The following MAP4K5 variants were observed in gnomAD, a reference collection of about 807,000 sequenced individuals.
MAP4K5 encodes the protein mitogen-activated protein kinase kinase kinase kinase 5.
MAP4K5 carries 82 observed loss-of-function variants against 135.6 expected under a neutral mutation model. The observed-to-expected ratio is 0.60, with a 90% CI of 0.51 to 0.73. The LOEUF (loss-of-function observed/expected upper bound fraction) is 0.73. Among genes scored for constraint, MAP4K5 ranks in the 30% least tolerant of loss-of-function variants. The probability of loss-of-function intolerance (pLI) is 0.00; values close to 1 mark genes in which losing one functional copy is unlikely to be tolerated. For missense variants in MAP4K5, 907 were observed against 1,010.9 expected (o/e 0.90, Z 1.39); for synonymous variants, 347 against 335.0 (o/e 1.04, Z -0.39).
chr14:50,437,806 T>C (rs2036130782), intron 25 of MAP4K5, 88 bp downstream of exon 25: 7 of 884,310 alleles, frequency 7.9e-6, no homozygotes, highest in South Asian at 7.6e-5. Flanking sequence ...AATTAAGACA[T>C]AGTTTTTTAC....
chr14:50,432,929 C>T (rs1164554732), intron 28 of MAP4K5, among the ~76,000 whole-genome samples: 1 of 152,094 alleles, frequency 6.6e-6, no homozygotes, highest in African/African-American at 2.4e-5. Context: ...CCTCTGCCTT[C>T]CAGGTTCATG....
chr14:50,507,059 G>A (rs2037825376), intron 2 of MAP4K5, among the ~76,000 whole-genome samples: 1 of 152,166 alleles, frequency 6.6e-6, no homozygotes, highest in South Asian at 2.1e-4. Flanking sequence ...AGTGATAATT[G>A]ACTTCCTGGG....
In MAP4K5 at chr14:50,446,107, C is replaced by T. The variant is rs1260633145; in HGVS notation, c.1157G>A (p.Arg386His). The change falls in exon 17 of 33, where the codon CGT becomes CAT. Residue 386 changes from arginine to histidine, a missense_variant. By Grantham distance (29) the Arg-to-His change is conservative. Transcript: ENST00000682126. ...GANTGKSTSK[R>H]AIPPPLPPKP... ...AGGAGGTAGGGGAGGTGGTATTGCACGTTTTGAGGTTGATCTAATACAAAG... is the reference window on the plus strand; with the variant it reads ...AGGAGGTAGGGGAGGTGGTATTGCATGTTTTGAGGTTGATCTAATACAAAG... 2.3e-5 allele frequency: 36 copies of T among 1,572,476 alleles called. No homozygotes were observed. In the East Asian group the frequency reaches 3.3e-4, roughly 15 times the overall value.
chr14:50,459,705 T>C (rs565915345), intron 13 of MAP4K5, among the ~76,000 whole-genome samples: 1 of 151,708 alleles, frequency 6.6e-6, no homozygotes, highest in East Asian at 1.9e-4. Flanking sequence ...TTCTCTTTTT[T>C]TTTTTTTCCT....
intron 18 of MAP4K5, 63 bp from the exon 19 acceptor site, chr14:50,444,099 T>C: frequency 9.2e-7 from 1 of 1,087,894 alleles, no homozygotes. Context: ...TGAAAAATTA[T>C]TTCCCCTTTC....
intron 2 of MAP4K5, among the ~76,000 whole-genome samples, chr14:50,523,388 C>T (rs2038191898): frequency 6.6e-6 from 1 of 152,142 alleles, no homozygotes; most frequent in Non-Finnish European, 1.5e-5. Context: ...TGGTGATGGC[C>T]ATGCTTGTGT....
intron 1 of MAP4K5, among the ~76,000 whole-genome samples, chr14:50,551,534 T>TA (rs1031913611): frequency 6.6e-6 from 1 of 152,078 alleles, no homozygotes; most frequent in Non-Finnish European, 1.5e-5. Flanking sequence ...TTGAAGGCAG[T>TA]ATTACCCTAA....
At chr14:50,473,062 G>A (rs1378020506) in intron 9 of MAP4K5, among the ~76,000 whole-genome samples, 1 of 152,056 alleles carries the variant, frequency 6.6e-6, no homozygotes, top group Non-Finnish European at 1.5e-5. Context: ...AAATGAATTC[G>A]ATACGTAGTG....
At chr14:50,426,311 CAT>C (rs1415474666) in intron 30 of MAP4K5, among the ~76,000 whole-genome samples, 10 of 152,042 alleles carry the variant, frequency 6.6e-5, no homozygotes, top group Non-Finnish European at 1.2e-4. Flanking sequence ...ATCATAAAAA[CAT>C]ATATAACTGG....
chr14:50,477,990 C>T (rs1304374550), intron 6 of MAP4K5, among the ~76,000 whole-genome samples: 1 of 151,990 alleles, frequency 6.6e-6, no homozygotes, highest in Non-Finnish European at 1.5e-5. Flanking sequence ...GGAGTTATTT[C>T]TCATTCTTCA....
At chr14:50,488,070 TA>T (rs1344774655) in intron 3 of MAP4K5, among the ~76,000 whole-genome samples, 6 of 152,112 alleles carry the variant, frequency 3.9e-5, no homozygotes, top group African/African-American at 1.2e-4. Flanking sequence ...GGGTAATTTA[TA>T]AAGAAAAGAG....
chr14:50,470,832 T>A (rs927398938), intron 9 of MAP4K5, among the ~76,000 whole-genome samples: 3 of 152,168 alleles, frequency 2.0e-5, no homozygotes, highest in African/African-American at 7.2e-5. Flanking sequence ...TTTCCCTCAA[T>A]TTTTATCATT....
chr14:50,466,069 T>A (rs989970684), intron 11 of MAP4K5, among the ~76,000 whole-genome samples: 2 of 151,716 alleles, frequency 1.3e-5, no homozygotes, highest in African/African-American at 4.8e-5. Context: ...TGAGACTCCG[T>A]CTCCACAAAA....
chr14:50,445,585 A>G (rs994642043), intron 17 of MAP4K5, among the ~76,000 whole-genome samples: 4 of 151,910 alleles, frequency 2.6e-5, no homozygotes, highest in African/African-American at 9.7e-5. Flanking sequence ...TTCTTTTTTT[A>G]CTGAGATGGA....
chr14:50,511,745 A>G (rs1315848747), intron 2 of MAP4K5, among the ~76,000 whole-genome samples: 1 of 152,162 alleles, frequency 6.6e-6, no homozygotes, highest in African/African-American at 2.4e-5. Context: ...ACAAAAAGAT[A>G]CGGAAGAATC....
At chr14:50,538,975 G>C (rs996236976) in intron 2 of MAP4K5, among the ~76,000 whole-genome samples, 1 of 152,146 alleles carries the variant, frequency 6.6e-6, no homozygotes, top group African/African-American at 2.4e-5. Flanking sequence ...GCGCACCACT[G>C]TGCCCAGCTT....
At position 50,423,129 on chromosome 14, in the gene MAP4K5, T is replaced by C. The variant is rs369793710; in HGVS notation, c.2445A>G (p.Gly815=). The C allele has an allele frequency of 3.2e-6, 5 of 1,559,410 alleles. No homozygotes were observed. The African/African-American group carries it at 6.8e-5, about 21-fold the overall frequency. The change falls in exon 32 of 33, where the codon GGA becomes GGG. Residue 815 remains glycine (G), a synonymous_variant. Coordinates refer to ENST00000682126, the MANE Select transcript of MAP4K5 (RefSeq NM_006575.6). ...SDETRVFRLL[G]SDRVVVLESR... ...TACAACCAAACTATTACCTGTCTGA[T>C]CCTAATAAGCGGAAAACTCTTGTTT...
intron 2 of MAP4K5, among the ~76,000 whole-genome samples, chr14:50,514,238 G>C (rs987044713): frequency 5.5e-5 from 3 of 54,758 alleles, no homozygotes; most frequent in Admixed American, 5.5e-4. Flanking sequence ...CACCAGGCCT[G>C]GCTAATTTTT....
chr14:50,437,363 C>T, intron 26 of MAP4K5, 113 bp downstream of exon 26: 3 of 790,546 alleles, frequency 3.8e-6, no homozygotes, highest in Non-Finnish European at 6.1e-6. Flanking sequence ...TCTTACTAAA[C>T]ACAAATTTTA....
Sources: allele counts gnomAD v4.1 joint callset (sites outside exome capture counted in the v4.1 genomes callset), GRCh38; gene constraint gnomAD v4.1.1; transcripts MANE v1.5; gene names NCBI Gene and HGNC (gene_info 2026-07-23, HGNC 2026-07-21).